MLIP: variants seen among roughly 807,000 people sequenced by gnomAD.
The protein encoded by MLIP is muscular LMNA interacting protein, also known as muscular LMNA-interacting protein.
In MLIP, 79 loss-of-function variants were observed where a neutral mutation model predicts 84.8. That is an observed-to-expected ratio of 0.93 (90% CI 0.78 to 1.12). MLIP has a LOEUF of 1.12. Among genes scored for constraint, MLIP ranks in the 50% most tolerant of loss-of-function variants. The pLI, the probability that MLIP is intolerant of heterozygous loss-of-function variation, is 0.00. For synonymous variants in MLIP, 504 were observed against 463.0 expected, an observed-to-expected ratio of 1.09 and a Z score of -1.14; for missense variants, 1,257 against 1,160.6, an observed-to-expected ratio of 1.08 and a Z score of -1.21.
chr6:54,266,073 G>A lies in MLIP; in HGVS notation c.*118G>A. 1.0e-6 allele frequency: 1 copy of A among 975,222 alleles called. No individual in the cohort carries two copies. The highest frequency in any genetic ancestry group is 1.6e-6 in the Non-Finnish European group (1 of 639,794). 60.4% of individuals were successfully genotyped at this position (975,222 alleles called of 1,614,324 possible). On this transcript the variant is annotated 3_prime_UTR_variant, in exon 14 of 14. Coordinates refer to ENST00000502396, the MANE Select transcript of MLIP (RefSeq NM_001281747.2). The stretch of plus-strand genomic sequence containing the variant: ...AGAATGAGTGCTCCCTTTATGAGCT[G>A]CAGTGCAGCAGAACCAAAAAAAAAG...
upstream of MLIP, among the ~76,000 whole-genome samples, chr6:54,109,699 G>A (rs1012507216): frequency 6.6e-6 from 1 of 151,890 alleles, no homozygotes; most frequent in Non-Finnish European, 1.5e-5. Context: ...AAATTCCTCT[G>A]TCTTTGCTAC....
Position 54,137,547 on chromosome 6 carries a change from T to C in MLIP, c.1478T>C (p.Leu493Pro). 3 of 1,536,114 alleles carry C rather than the reference T, an allele frequency of 2.0e-6. No homozygotes were observed. The highest frequency in any genetic ancestry group is 2.6e-6 in the Non-Finnish European group (3 of 1,146,898). ...GAATTGACCCAGCAATCTTTTCACC[T>C]GCCTGTTTTCACCAAGTCTACTCCG... ...VSELTQQSFH[L>P]PVFTKSTPLS... The change falls in exon 4 of 14, where the codon CTG (leucine) becomes CCG (proline). Residue 493 changes from leucine (L) to proline (P), a missense_variant. Leu to Pro is a moderately conservative substitution (Grantham distance 98). Coordinates refer to ENST00000502396, the MANE Select transcript of MLIP (RefSeq NM_001281747.2).
chr6:54,083,593 TG>T, intron 1 of MLIP: 1 of 1,536,034 alleles, frequency 6.5e-7, no homozygotes, highest in Non-Finnish European at 8.7e-7. Flanking sequence ...CATGTGCAGC[TG>T]GTACCTTGGA....
At chr6:54,020,734 A>G (rs1763449790) in intron 1 of MLIP, among the ~76,000 whole-genome samples, 2 of 152,228 alleles carry the variant, frequency 1.3e-5, no homozygotes, top group Admixed American at 1.3e-4. Flanking sequence ...CCTTAGAGGA[A>G]GTAGCTGTCA....
At chr6:54,146,638 A>G (rs1772869840) in intron 4 of MLIP, among the ~76,000 whole-genome samples, 1 of 152,218 alleles carries the variant, frequency 6.6e-6, no homozygotes, top group South Asian at 2.1e-4. Flanking sequence ...TCATTTGGCT[A>G]CTAAACAGAA....
At chr6:54,085,914 A>G (rs907790741) in intron 1 of MLIP, among the ~76,000 whole-genome samples, 4 of 152,120 alleles carry the variant, frequency 2.6e-5, no homozygotes, top group South Asian at 2.1e-4. Flanking sequence ...TGCTGAGTCT[A>G]CATCTGCTGC....
At chr6:54,197,073 G>A (rs1325936078) in intron 10 of MLIP, among the ~76,000 whole-genome samples, 1 of 151,962 alleles carries the variant, frequency 6.6e-6, no homozygotes, top group East Asian at 1.9e-4. Flanking sequence ...GTGAAGGGGT[G>A]GAAGGGAGAG....
intron 1 of MLIP, among the ~76,000 whole-genome samples, chr6:54,053,202 C>A (rs186550600): frequency 3.1e-4 from 47 of 152,216 alleles, no homozygotes; most frequent in Non-Finnish European, 2.9e-5. Context: ...CCTTAAGCAC[C>A]ACTATGTTTT....
intron 1 of MLIP, among the ~76,000 whole-genome samples, chr6:54,082,296 T>C (rs1767209748): frequency 6.6e-6 from 1 of 152,178 alleles, no homozygotes; most frequent in South Asian, 2.1e-4. Flanking sequence ...ATGAAAAACA[T>C]CAATAAAATA....
At chr6:54,109,224 C>CT (rs78101716), upstream of MLIP, among the ~76,000 whole-genome samples, 148,366 of 150,954 alleles carry the variant, frequency 0.98, 72,965 homozygotes, top group East Asian at 1. Flanking sequence ...ATTTAACCTA[C>CT]TTTTTTTTGT....
intron 7 of MLIP, 50 bp from the exon 8 acceptor site, chr6:54,160,690 C>A (rs771459318): frequency 6.7e-7 from 1 of 1,495,360 alleles, no homozygotes; most frequent in East Asian, 2.3e-5. Context: ...ACAGGCTTGT[C>A]CTTTTCTTTC....
chr6:54,199,847 T>C (rs1778551249), intron 10 of MLIP, among the ~76,000 whole-genome samples: 1 of 151,898 alleles, frequency 6.6e-6, no homozygotes, highest in South Asian at 2.1e-4. Flanking sequence ...ATATACAATG[T>C]AAAAATCAGG....
intron 12 of MLIP, among the ~76,000 whole-genome samples, chr6:54,239,322 G>T (rs1251185601): frequency 6.9e-6 from 1 of 145,232 alleles, no homozygotes; most frequent in Non-Finnish European, 1.5e-5. Flanking sequence ...CTATGTAGAT[G>T]ATCATGTGTT....
chr6:54,127,393 G>A (rs887115792), intron 3 of MLIP, among the ~76,000 whole-genome samples: 3 of 152,032 alleles, frequency 2.0e-5, no homozygotes, highest in African/African-American at 7.2e-5. Flanking sequence ...GTTCAATAAG[G>A]TGAGTGAAAA....
chr6:54,139,690 A>C (rs1561973743), intron 4 of MLIP, among the ~76,000 whole-genome samples: 1 of 152,154 alleles, frequency 6.6e-6, no homozygotes, highest in Non-Finnish European at 1.5e-5. Context: ...ACACCAAAAA[A>C]CTGAAGTTCA....
At chr6:54,073,178 G>T (rs374374437) in intron 1 of MLIP, among the ~76,000 whole-genome samples, 18 of 152,302 alleles carry the variant, frequency 1.2e-4, no homozygotes, top group African/African-American at 4.1e-4. Flanking sequence ...AGGAGAGCTG[G>T]GGGGTGGAAC....
intron 11 of MLIP, chr6:54,217,767 T>C (rs147712068): frequency 1.1e-5 from 11 of 985,182 alleles, no homozygotes; most frequent in Admixed American, 1.2e-4. Flanking sequence ...ACCTATCTCA[T>C]TGATAGAAAC....
chr6:54,059,233 A>G (rs78579864), intron 1 of MLIP, among the ~76,000 whole-genome samples: 1 of 152,290 alleles, frequency 6.6e-6, no homozygotes, highest in East Asian at 1.9e-4. Flanking sequence ...TGGATAAAGT[A>G]AAAGACTACA....
rs776368655 is a variant in MLIP at position 54,265,982 on chromosome 6, G to C, written c.*27G>C. On this transcript the variant is annotated 3_prime_UTR_variant, in exon 14 of 14. Coordinates refer to ENST00000502396, the MANE Select transcript of MLIP (RefSeq NM_001281747.2). ...GTTGGAGCAGAGGCTGAAAACACAG[G>C]CTGCTGAAGTTTTTTGGAATGCTGG... The C allele has an allele frequency of 6.2e-7, 1 of 1,610,972 alleles. No homozygotes were observed. The highest frequency in any genetic ancestry group is 8.5e-7 in the Non-Finnish European group (1 of 1,178,610).
Sources: gnomAD v4.1 joint callset for allele counts (sites outside exome capture counted in the v4.1 genomes callset) on GRCh38, gnomAD v4.1.1 for gene constraint, MANE v1.5 for transcripts, NCBI Gene and HGNC (gene_info 2026-07-23, HGNC 2026-07-21) for gene names.